CABCOCO1: variants seen among roughly 807,000 people sequenced by gnomAD.
CABCOCO1 encodes the protein ciliary-associated calcium-binding coiled-coil protein 1.
Under a neutral mutation model 35.7 loss-of-function variants are expected in CABCOCO1, and 28 were observed. The observed-to-expected ratio is 0.78, with a 90% CI of 0.58 to 1.07. The LOEUF is 1.07. CABCOCO1 is among the 50% of genes least tolerant of loss of function. The probability of loss-of-function intolerance (pLI) is 0.00; values close to 1 mark genes in which losing one functional copy is unlikely to be tolerated. For missense variants in CABCOCO1, 326 were observed against 309.2 expected, an observed-to-expected ratio of 1.05 and a Z score of -0.41; for synonymous variants, 95 against 100.1, an observed-to-expected ratio of 0.95 and a Z score of 0.30.
intron 5 of CABCOCO1, among the ~76,000 whole-genome samples, chr10:61,722,694 G>A (rs909056850): frequency 6.6e-6 from 1 of 151,488 alleles, no homozygotes; most frequent in African/African-American, 2.4e-5. Flanking sequence ...AAAAAAACTG[G>A]TAAAATACTA....
rs1052693517 is a variant in CABCOCO1 at position 61,696,479 on chromosome 10, T to G, written c.552+5858T>G. On this transcript the variant is annotated intron_variant, in intron 5 of 7. Coordinates refer to ENST00000648843, the MANE Select transcript of CABCOCO1 (RefSeq NM_001366906.2). ...TCACTGGGAGAAAACATTTGCAAAT[T>G]AACATATGAAGGTCAATTCTTTTTT... Among the ~76,000 whole-genome samples the G allele has an allele frequency of 3.3e-5, 5 of 152,110 alleles. No individual in the cohort carries two copies. The East Asian group carries it at 5.8e-4, about 18-fold the overall frequency.
chr10:61,753,057 T>A (rs1217677105), intron 5 of CABCOCO1, among the ~76,000 whole-genome samples: 1 of 152,172 alleles, frequency 6.6e-6, no homozygotes, highest in African/African-American at 2.4e-5. Flanking sequence ...TAATTTATTA[T>A]CTCATATGAT....
chr10:61,680,589 A>ATATAATATATATTTGTATATAT, intron 2 of CABCOCO1, among the ~76,000 whole-genome samples: 3 of 55,154 alleles, frequency 5.4e-5, no homozygotes, highest in Non-Finnish European at 7.3e-5. Flanking sequence ...TATATATAAC[A>ATATAATATATATTTGTATATAT]TATGTTATAC....
Position 61,662,948 on chromosome 10 carries a change from G to A in CABCOCO1, c.-25G>A, listed in dbSNP as rs776765225. On this transcript the variant is annotated 5_prime_UTR_variant, in exon 1 of 8. Coordinates refer to ENST00000648843, the MANE Select transcript of CABCOCO1 (RefSeq NM_001366906.2). ...CCAGTTGCCTAGGTGACGAGGGGCC[G>A]CTTCTCTCGGCCGAGATTGCGGCGA... is the stretch of plus-strand genomic sequence containing the variant. The A allele has an allele frequency of 2.6e-6, 1 of 391,232 alleles. No homozygotes were observed. 24.2% of individuals were successfully genotyped at this position (391,232 alleles called of 1,614,324 possible).
chr10:61,726,440 C>T (rs1030797444), intron 5 of CABCOCO1, among the ~76,000 whole-genome samples: 1 of 151,548 alleles, frequency 6.6e-6, no homozygotes, highest in East Asian at 1.9e-4. Flanking sequence ...AAAATGTGGG[C>T]TATATTTTTA....
intron 3 of CABCOCO1, among the ~76,000 whole-genome samples, chr10:61,682,987 T>A (rs2131980528): frequency 6.7e-6 from 1 of 149,748 alleles, no homozygotes; most frequent in Admixed American, 6.9e-5. Flanking sequence ...GCCTCCTGGA[T>A]TCAAGCGATT....
intron 2 of CABCOCO1, among the ~76,000 whole-genome samples, chr10:61,676,748 T>C (rs1839522209): frequency 6.6e-6 from 1 of 152,058 alleles, no homozygotes; most frequent in Non-Finnish European, 1.5e-5. Context: ...ATCTAATGAA[T>C]AAGCAAAGAA....
intron 4 of CABCOCO1, among the ~76,000 whole-genome samples, chr10:61,689,848 G>A (rs1840080925): frequency 6.6e-6 from 1 of 152,056 alleles, no homozygotes; most frequent in Non-Finnish European, 1.5e-5. Flanking sequence ...TCTTAATAAT[G>A]CATTGCTCCT....
intron 5 of CABCOCO1, among the ~76,000 whole-genome samples, chr10:61,759,420 C>T (rs944468398): frequency 6.6e-6 from 1 of 152,046 alleles, no homozygotes; most frequent in Non-Finnish European, 1.5e-5. Context: ...CCTTGACTCT[C>T]CTTTTCCTTC....
At chr10:61,697,400 A>C (rs1840324724) in intron 5 of CABCOCO1, among the ~76,000 whole-genome samples, 1 of 152,110 alleles carries the variant, frequency 6.6e-6, no homozygotes, top group Non-Finnish European at 1.5e-5. Context: ...TTATGTTAAT[A>C]TCTCTAAAAT....
chr10:61,727,424 G>A (rs1471884415), intron 5 of CABCOCO1, among the ~76,000 whole-genome samples: 1 of 152,094 alleles, frequency 6.6e-6, no homozygotes, highest in African/African-American at 2.4e-5. Flanking sequence ...AGAAAGATTT[G>A]AATTGTTTTA....
chr10:61,694,789 G>A (rs1259863380), intron 5 of CABCOCO1, among the ~76,000 whole-genome samples: 4 of 152,064 alleles, frequency 2.6e-5, no homozygotes, highest in Admixed American at 1.3e-4. Context: ...GACACGTGGA[G>A]CTAGGAGAAC....
chr10:61,766,119 G>A lies in CABCOCO1; in HGVS notation c.*106G>A. ...GTGTCTCCATCACTTAGTTGTGAAA[G>A]GAAAACCAAGCCCCACTTTTTATTT... On this transcript the variant is annotated 3_prime_UTR_variant, in exon 8 of 8. Transcript: ENST00000648843. The A allele has an allele frequency of 9.8e-7, 1 of 1,018,180 alleles. No individual in the cohort carries two copies. Among genetic ancestry groups the A allele is most frequent in the Non-Finnish European group, 1.4e-6 (1 of 704,136 alleles). The allele number at this position is 1,018,180 out of a possible 1,614,324, so 63.1% of individuals were successfully genotyped here.
intron 5 of CABCOCO1, among the ~76,000 whole-genome samples, chr10:61,729,875 C>G (rs1206941875): frequency 6.6e-6 from 1 of 152,074 alleles, no homozygotes; most frequent in East Asian, 1.9e-4. Flanking sequence ...AAGGCAAATT[C>G]TGTATGATTT....
intron 2 of CABCOCO1, among the ~76,000 whole-genome samples, chr10:61,674,881 A>AT (rs201346113): frequency 7.2e-5 from 11 of 152,208 alleles, no homozygotes; most frequent in Middle Eastern, 3.4e-3. Flanking sequence ...ATCCATCTCA[A>AT]TTTTTTTTAA....
chr10:61,714,708 T>C (rs1324194063), intron 5 of CABCOCO1, among the ~76,000 whole-genome samples: 1 of 152,208 alleles, frequency 6.6e-6, no homozygotes, highest in Non-Finnish European at 1.5e-5. Context: ...TCTGGTACGT[T>C]GTGTCTTTGT....
At chr10:61,665,524 T>C (rs966049182) in intron 1 of CABCOCO1, among the ~76,000 whole-genome samples, 1 of 150,630 alleles carries the variant, frequency 6.6e-6, no homozygotes, top group Admixed American at 6.7e-5. Flanking sequence ...AAATGTGTAC[T>C]TGGAATTCAG....
At chr10:61,740,989 A>T (rs1018289010) in intron 5 of CABCOCO1, among the ~76,000 whole-genome samples, 36 of 152,148 alleles carry the variant, frequency 2.4e-4, no homozygotes, top group African/African-American at 8.4e-4. Flanking sequence ...TCTACTAAAA[A>T]TACAAAAATT....
intron 5 of CABCOCO1, among the ~76,000 whole-genome samples, chr10:61,717,135 A>C (rs1840887641): frequency 6.6e-6 from 1 of 152,198 alleles, no homozygotes; most frequent in Non-Finnish European, 1.5e-5. Flanking sequence ...AAGGAATGCA[A>C]AACAAAGGAA....
Sources: gnomAD v4.1 joint callset for allele counts (sites outside exome capture counted in the v4.1 genomes callset) on GRCh38, gnomAD v4.1.1 for gene constraint, MANE v1.5 for transcripts, NCBI Gene and HGNC (gene_info 2026-07-23, HGNC 2026-07-21) for gene names.